Variants in ARL4C observed in about 807,000 individuals in gnomAD.
ARL4C encodes the protein ADP-ribosylation factor-like protein 4C.
A neutral mutation model predicts 12.8 loss-of-function variants in ARL4C; 5 were observed. The observed-to-expected ratio is 0.39, with a 90% CI of 0.20 to 0.82. The LOEUF (loss-of-function observed/expected upper bound fraction) is 0.82, where lower values mean the gene tolerates loss of function less well. Ranked by LOEUF, ARL4C falls within the 40% of genes least tolerant of loss-of-function variation. The probability of loss-of-function intolerance (pLI) is 0.39; values close to 1 mark genes in which losing one functional copy is unlikely to be tolerated. For synonymous variants in ARL4C, 119 were observed against 119.4 expected (o/e 1.00, Z 0.02); for missense variants, 148 against 265.2 (o/e 0.56, Z 3.07).
In ARL4C at chr2:234,495,517, C is replaced by T. The variant is rs888942471; in HGVS notation, c.*289G>A. ...GGTCCCCCCAGAACCAACATGCCCC[C>T]CAAGGTGGGTACGCCCACGGTTCTG... On this transcript the variant is annotated 3_prime_UTR_variant, in exon 2 of 2. Transcript: ENST00000339728. The T allele has an allele frequency of 3.5e-6, 2 of 574,568 alleles. No individual in the cohort carries two copies. Among genetic ancestry groups the T allele is most frequent in the South Asian group, 2.0e-5 (1 of 49,050 alleles). 35.6% of individuals were successfully genotyped at this position (574,568 alleles called of 1,614,324 possible). A position where few individuals can be genotyped will look rare whatever the true frequency, so the allele number is the denominator to read the frequency against.
rs777720297 is a variant in ARL4C, at chr2:234,496,461, C to G, written c.126G>C (p.Val42=). 5.0e-6 allele frequency: 8 copies of G among 1,613,376 alleles called. No individual in the cohort carries two copies. In the South Asian group the frequency reaches 8.8e-5, roughly 18 times the overall value. Residue 42 remains valine, a synonymous_variant, in exon 1 of 2, where the codon GTG becomes GTC. Transcript: ENST00000339728. ...TCTCGGTGTTGAAGCCGATGGTGGG[C>G]ACCGTGTTCACGAACTCGTTGAACT... is the stretch of plus-strand genomic sequence containing the variant. The part of the protein sequence containing the change: ...RLKFNEFVNT[V]PTIGFNTEKI...
rs1284545164 is a variant in ARL4C at position 234,493,339 on chromosome 2, T to C, written c.*2467A>G. ...GGCAGAAGGCATCATAAATCACCCA[T>C]TGATACATTGGTGGGGGGCTCCCTG... On this transcript the variant is annotated 3_prime_UTR_variant, in exon 2 of 2. Coordinates refer to ENST00000339728, the MANE Select transcript of ARL4C (RefSeq NM_001282431.2). The C allele has an allele frequency of 2.0e-5, 3 of 152,260 alleles. No individual in the cohort carries two copies. Among genetic ancestry groups the C allele is most frequent in the South Asian group, 2.1e-4 (1 of 4,838 alleles). The allele number at this position is 152,260 out of a possible 1,614,324, so 9.4% of individuals were successfully genotyped here.
Position 234,495,530 on chromosome 2 carries a change from G to A in ARL4C, c.*276C>T. The A allele has an allele frequency of 1.7e-6, 1 of 584,448 alleles. No individual in the cohort carries two copies. The highest frequency in any genetic ancestry group is 2.0e-5 in the South Asian group (1 of 49,434). The allele number at this position is 584,448 out of a possible 1,614,324, so 36.2% of individuals were successfully genotyped here. A position where few individuals can be genotyped will look rare whatever the true frequency, so the allele number is the denominator to read the frequency against. On this transcript the variant is annotated 3_prime_UTR_variant, in exon 2 of 2. Coordinates refer to ENST00000339728, the MANE Select transcript of ARL4C (RefSeq NM_001282431.2). The stretch of plus-strand genomic sequence containing the variant: ...CCAACATGCCCCCCAAGGTGGGTAC[G>A]CCCACGGTTCTGGGAAATGCATACC...
In ARL4C at chr2:234,496,152, C is replaced by A. The variant is rs772493552; in HGVS notation, c.435G>T (p.Ala145=). The A allele has an allele frequency of 6.2e-7, 1 of 1,613,336 alleles. No individual in the cohort carries two copies. Among genetic ancestry groups the A allele is most frequent in the South Asian group, 1.1e-5 (1 of 91,010 alleles). ...TGGTGGCCGGGATAAGCTCGTGCAGCGCCAGCTGCTTCTCAATCTCTGCCA... is the reference window on the plus strand; with the variant it reads ...TGGTGGCCGGGATAAGCTCGTGCAGAGCCAGCTGCTTCTCAATCTCTGCCA... ...LPVAEIEKQL[A]LHELIPATTY... Residue 145 remains alanine, a synonymous_variant, in exon 1 of 2, where the codon GCG becomes GCT. Transcript: ENST00000339728.
Position 234,495,690 on chromosome 2 carries a change from AG to A in ARL4C, c.*115del. 1.5e-6 allele frequency: 2 copies of A among 1,325,646 alleles called. No homozygotes were observed. The allele number at this position is 1,325,646 out of a possible 1,614,324, so 82.1% of individuals were successfully genotyped here. On this transcript the variant is annotated 3_prime_UTR_variant, in exon 2 of 2. Coordinates refer to ENST00000339728, the MANE Select transcript of ARL4C (RefSeq NM_001282431.2). ...ACCTGGGGCTGGGAGGGCGGACAGC[AG>A]GACCGGCTCTTCCACTCCCCACCGC... is the stretch of plus-strand genomic sequence containing the variant.
In ARL4C at chr2:234,494,938, G is replaced by A. The variant is rs996071779; in HGVS notation, c.*868C>T. On this transcript the variant is annotated 3_prime_UTR_variant, in exon 2 of 2. Transcript: ENST00000339728. ...GTGTGCTCATCCAAACCAATCAGTA[G>A]GCTAAGAGAATTTAAAATTCCATAC... 1 of 151,426 alleles carries A rather than the reference G, an allele frequency of 6.6e-6. No homozygotes were observed. 9.4% of individuals were successfully genotyped at this position (151,426 alleles called of 1,614,324 possible).
In ARL4C at chr2:234,496,110, C is replaced by T. The variant is rs372804936; in HGVS notation, c.477G>A (p.Pro159=). 1.1e-5 allele frequency: 17 copies of T among 1,613,770 alleles called. No individual in the cohort carries two copies. The highest frequency in any genetic ancestry group is 1.1e-5 in the South Asian group (1 of 91,052). Residue 159 remains proline (P), a synonymous_variant, in exon 1 of 2, where the codon CCG becomes CCA. Coordinates refer to ENST00000339728, the MANE Select transcript of ARL4C (RefSeq NM_001282431.2). ...LIPATTYHVQ[P]ACAIIGEGLT... ...GGCCCTCGCCGATGATGGCGCACGCCGGCTGGACGTGATAGGTGGTGGCCG... is the reference window on the plus strand; with the variant it reads ...GGCCCTCGCCGATGATGGCGCACGCTGGCTGGACGTGATAGGTGGTGGCCG...
rs1360927168 is a variant in ARL4C at position 234,496,663 on chromosome 2, G to C, written c.-77C>G. On this transcript the variant is annotated 5_prime_UTR_variant, in exon 1 of 2. Transcript: ENST00000339728. ...CCCCGAGCAGTCACGGGCCCGACGC[G>C]GCCGGGCGCACCTGGGCCCCGCCCG... 14 of 1,012,798 alleles carry C rather than the reference G, an allele frequency of 1.4e-5. No individual in the cohort carries two copies. The highest frequency in any genetic ancestry group is 1.6e-5 in the Non-Finnish European group (13 of 819,122). The allele number at this position is 1,012,798 out of a possible 1,614,324, so 62.7% of individuals were successfully genotyped here.
Position 234,495,724 on chromosome 2 carries a change from C to G in ARL4C, c.*82G>C. On this transcript the variant is annotated 3_prime_UTR_variant, in exon 2 of 2. Coordinates refer to ENST00000339728, the MANE Select transcript of ARL4C (RefSeq NM_001282431.2). ...TCTTCCACTCCCCACCGCGGCCCCCCGACCTGGTCAGTAGCTCTGGCGTTC... is the reference window on the plus strand; with the variant it reads ...TCTTCCACTCCCCACCGCGGCCCCCGGACCTGGTCAGTAGCTCTGGCGTTC... 1 of 1,576,878 alleles carries G rather than the reference C, an allele frequency of 6.3e-7. No individual in the cohort carries two copies.
rs1691738217 is a variant in ARL4C at position 234,493,841 on chromosome 2, C to T, written c.*1965G>A. On this transcript the variant is annotated 3_prime_UTR_variant, in exon 2 of 2. Coordinates refer to ENST00000339728, the MANE Select transcript of ARL4C (RefSeq NM_001282431.2). ...ATTTAGAAATCAGTGGATATGCTGT[C>T]GATATGTAAACTGAAATCTTGCAGG... 2 of 152,264 alleles carry T rather than the reference C, an allele frequency of 1.3e-5. No individual in the cohort carries two copies. The highest frequency in any genetic ancestry group is 2.4e-5 in the African/African-American group (1 of 41,318). 9.4% of individuals were successfully genotyped at this position (152,264 alleles called of 1,614,324 possible). A position where few individuals can be genotyped will look rare whatever the true frequency, so the allele number is the denominator to read the frequency against.
rs1691732939 is a variant in ARL4C at position 234,493,472 on chromosome 2, T to G, written c.*2334A>C. On this transcript the variant is annotated 3_prime_UTR_variant, in exon 2 of 2. Transcript: ENST00000339728. ...ACATTACAGAAATCAACTGAGACTC[T>G]TAACTAGTAGTTGATACACCACAGG... 6.6e-6 allele frequency: 1 copy of G among 152,420 alleles called. No homozygotes were observed. The highest frequency in any genetic ancestry group is 6.5e-5 in the Admixed American group (1 of 15,286). 9.4% of individuals were successfully genotyped at this position (152,420 alleles called of 1,614,324 possible).
intron 1 of ARL4C, 86 bp downstream of exon 1, chr2:234,495,926 A>T: frequency 6.2e-7 from 1 of 1,607,824 alleles, no homozygotes; most frequent in South Asian, 1.1e-5. Context: ...TCGCTCATCC[A>T]TCCATCCATC....
At position 234,495,910 on chromosome 2, in the gene ARL4C, G is replaced by A. The variant is rs1282754263; in HGVS notation, c.576-74C>T. The A allele has an allele frequency of 4.4e-6, 7 of 1,605,436 alleles. No individual in the cohort carries two copies. The Admixed American group carries it at 1.2e-4, about 27-fold the overall frequency. ...TGGTTCGCTCTTTGTTCGCGGGCGC[G>A]GGTTCTCGCTCATCCATCCATCCAT... On this transcript the variant is annotated intron_variant, in intron 1 of 1. Transcript: ENST00000339728.
chr2:234,496,439 C>T lies in ARL4C; in HGVS notation c.148G>A (p.Glu50Lys). 1 of 1,612,808 alleles carries T rather than the reference C, an allele frequency of 6.2e-7. No individual in the cohort carries two copies. The highest frequency in any genetic ancestry group is 8.5e-7 in the Non-Finnish European group (1 of 1,179,850). The change falls in exon 1 of 2, where the codon GAG (glutamate) becomes AAG (lysine). Residue 50 changes from glutamate to lysine, a missense_variant. Physicochemically the swap from Glu to Lys is moderately conservative, Grantham distance 56. Transcript: ENST00000339728. Reference protein sequence around the residue: ...NTVPTIGFNTEKIKLSNGTAK... With the variant: ...NTVPTIGFNTKKIKLSNGTAK... ...GTGCCGTTGCTCAGCTTGATCTTCT[C>T]GGTGTTGAAGCCGATGGTGGGCACC...
Position 234,495,533 on chromosome 2 carries a change from C to T in ARL4C, c.*273G>A. On this transcript the variant is annotated 3_prime_UTR_variant, in exon 2 of 2. Transcript: ENST00000339728. Reference sequence around the variant, plus strand: ...ACATGCCCCCCAAGGTGGGTACGCCCACGGTTCTGGGAAATGCATACCTCA... The same window carrying T: ...ACATGCCCCCCAAGGTGGGTACGCCTACGGTTCTGGGAAATGCATACCTCA... The T allele has an allele frequency of 3.4e-6, 2 of 589,086 alleles. No individual in the cohort carries two copies. The highest frequency in any genetic ancestry group is 6.0e-6 in the Non-Finnish European group (2 of 330,800). 36.5% of individuals were successfully genotyped at this position (589,086 alleles called of 1,614,324 possible). A position where few individuals can be genotyped will look rare whatever the true frequency, so the allele number is the denominator to read the frequency against.
rs772356720 is a variant in ARL4C at position 234,494,386 on chromosome 2, C to T, written c.*1420G>A. 6.6e-6 allele frequency: 1 copy of T among 152,574 alleles called. No individual in the cohort carries two copies. Among genetic ancestry groups the T allele is most frequent in the Non-Finnish European group, 1.5e-5 (1 of 68,024 alleles). 9.5% of individuals were successfully genotyped at this position (152,574 alleles called of 1,614,324 possible). On this transcript the variant is annotated 3_prime_UTR_variant, in exon 2 of 2. Transcript: ENST00000339728. ...TTTCACTTTATCTATTTTCCAAAGC[C>T]TCTTTCAAGTAAACTGTGAAGTGCC...
chr2:234,496,513 C>A lies in ARL4C; in HGVS notation c.74G>T (p.Gly25Val), dbSNP rs1691785980. 6.2e-7 allele frequency: 1 copy of A among 1,612,566 alleles called. No individual in the cohort carries two copies. The highest frequency in any genetic ancestry group is 8.5e-7 in the Non-Finnish European group (1 of 1,179,418). ...GAGCCGGTAGAGCACCGTGGTCTTG[C>A]CGGCCGAGTCCAAGCCCAACATGAC... The part of the protein sequence containing the change: ...HIVMLGLDSA[G>V]KTTVLYRLKF... The change falls in exon 1 of 2, where the codon GGC becomes GTC. Residue 25 changes from glycine (G) to valine (V), a missense_variant. By Grantham distance (109) the Gly-to-Val change is moderately radical. Around this residue, in one of 4 missense-constraint regions of ARL4C, gnomAD observed 51 missense variants for 127.9 expected, o/e 0.40. Coordinates refer to ENST00000339728, the MANE Select transcript of ARL4C (RefSeq NM_001282431.2).
In ARL4C at chr2:234,496,056, C is replaced by G. The variant is rs750242424; in HGVS notation, c.531G>C (p.Glu177Asp). 1.1e-5 allele frequency: 18 copies of G among 1,610,104 alleles called. No individual in the cohort carries two copies. The highest frequency in any genetic ancestry group is 3.4e-5 in the Admixed American group (2 of 59,614). The change falls in exon 1 of 2, where the codon GAG (glutamate) becomes GAC (aspartate). Residue 177 changes from glutamate (E) to aspartate (D), a missense_variant. This residue lies in a region of ARL4C where 42 missense variants were observed against 87.4 expected (regional missense o/e 0.48). Transcript: ENST00000339728. Reference protein sequence around the residue: ...GLTEGMDKLYEMILKRRKSLK... With the variant: ...GLTEGMDKLYDMILKRRKSLK... ...GGGACTTCCTGCGTTTCAGGATCATCTCATAGAGCTTGTCCATGCCCTCGG... is the reference window on the plus strand; with the variant it reads ...GGGACTTCCTGCGTTTCAGGATCATGTCATAGAGCTTGTCCATGCCCTCGG...
chr2:234,496,167 A>C lies in ARL4C; in HGVS notation c.420T>G (p.Ile140Met). 1.2e-6 allele frequency: 2 copies of C among 1,612,266 alleles called. No homozygotes were observed. The highest frequency in any genetic ancestry group is 2.2e-5 in the South Asian group (2 of 90,850). ...DLPKSLPVAE[I>M]EKQLALHELI... ...GCTCGTGCAGCGCCAGCTGCTTCTC[A>C]ATCTCTGCCACCGGCAGCGACTTGG... The change falls in exon 1 of 2, where the codon ATT (isoleucine) becomes ATG (methionine). Residue 140 changes from isoleucine to methionine, a missense_variant. This residue lies in a region of ARL4C where 42 missense variants were observed against 87.4 expected (regional missense o/e 0.48). Coordinates refer to ENST00000339728, the MANE Select transcript of ARL4C (RefSeq NM_001282431.2).
Sources: gnomAD v4.1 joint callset for allele counts on GRCh38, gnomAD v4.1.1 for gene constraint, gnomAD v4.1.1 regional missense constraint, MANE v1.5 for transcripts, NCBI Gene and HGNC (gene_info 2026-07-23, HGNC 2026-07-21) for gene names.